The following MARCHF11 variants were observed in gnomAD, a reference collection of about 807,000 sequenced individuals.
MARCHF11 encodes E3 ubiquitin-protein ligase MARCHF11.
Under a neutral mutation model 37.3 loss-of-function variants are expected in MARCHF11, and 29 were observed. The observed-to-expected ratio is 0.78, with a 90% confidence interval of 0.58 to 1.06. The LOEUF is 1.06. Ranked by LOEUF, MARCHF11 falls within the 50% of genes least tolerant of loss-of-function variation. The pLI, the probability that MARCHF11 is intolerant of heterozygous loss-of-function variation, is 0.00. For missense variants in MARCHF11, 482 were observed against 533.4 expected, an observed-to-expected ratio of 0.90 and a Z score of 0.95; for synonymous variants, 233 against 228.0, an observed-to-expected ratio of 1.02 and a Z score of -0.20.
Position 16,068,878 on chromosome 5 carries a change from T to C in MARCHF11, c.887-1085A>G, listed in dbSNP as rs931508401. Among the ~76,000 whole-genome samples, 5 of 152,334 alleles carry C rather than the reference T, an allele frequency of 3.3e-5. No homozygotes were observed. The South Asian group carries it at 6.2e-4, about 19-fold the overall frequency. ...AGATCAATGAATATCCTTTGGTAGA[T>C]GAAGTACGGCATGTGAGCAGAGCAT... On this transcript the variant is annotated intron_variant, in intron 3 of 3. Coordinates refer to ENST00000332432, the MANE Select transcript of MARCHF11 (RefSeq NM_001102562.3).
chr5:16,119,144 C>T (rs550144101), intron 2 of MARCHF11, among the ~76,000 whole-genome samples: 1 of 152,128 alleles, frequency 6.6e-6, no homozygotes, highest in South Asian at 2.1e-4. Context: ...GGGTGGATCA[C>T]TTGAGGTCAG....
intron 2 of MARCHF11, among the ~76,000 whole-genome samples, chr5:16,109,632 G>A (rs1737104306): frequency 6.6e-6 from 1 of 152,150 alleles, no homozygotes; most frequent in Admixed American, 6.5e-5. Context: ...AACCATTCTA[G>A]CTAACAACTG....
At chr5:16,178,288 C>T (rs1738398415) in intron 1 of MARCHF11, among the ~76,000 whole-genome samples, 1 of 152,172 alleles carries the variant, frequency 6.6e-6, no homozygotes, top group Admixed American at 6.5e-5. Context: ...CTAAATGTAG[C>T]ATCATAAATA....
intron 2 of MARCHF11, among the ~76,000 whole-genome samples, chr5:16,169,177 T>A (rs937881941): frequency 6.6e-6 from 1 of 151,810 alleles, no homozygotes; most frequent in Non-Finnish European, 1.5e-5. Context: ...AGTAAGGAGA[T>A]GAAATCTTGG....
At chr5:16,072,169 A>G (rs538585278) in intron 3 of MARCHF11, among the ~76,000 whole-genome samples, 1 of 152,338 alleles carries the variant, frequency 6.6e-6, no homozygotes, top group South Asian at 2.1e-4. Flanking sequence ...AGAGCTGTCC[A>G]ACATCATGAA....
chr5:16,079,335 C>T (rs75207948), intron 3 of MARCHF11, among the ~76,000 whole-genome samples: 1,948 of 152,268 alleles, frequency 0.013, 24 homozygotes, highest in South Asian at 0.033. Context: ...GGCCCTAGAC[C>T]GCATGATCTT....
intron 2 of MARCHF11, among the ~76,000 whole-genome samples, chr5:16,159,539 G>A (rs1233091375): frequency 6.6e-6 from 1 of 151,902 alleles, no homozygotes; most frequent in African/African-American, 2.4e-5. Context: ...ATATGCATGT[G>A]CTTCCAGACA....
chr5:16,108,025 A>G (rs1011864705), intron 2 of MARCHF11, among the ~76,000 whole-genome samples: 3 of 152,180 alleles, frequency 2.0e-5, no homozygotes, highest in African/African-American at 7.2e-5. Context: ...GCTGGACAAG[A>G]GCTCAGGATA....
chr5:16,123,586 T>G (rs1051907530), intron 2 of MARCHF11, among the ~76,000 whole-genome samples: 3 of 152,164 alleles, frequency 2.0e-5, no homozygotes, highest in Admixed American at 6.5e-5. Context: ...ACTGAACTCT[T>G]AAGAGTTTTA....
intron 3 of MARCHF11, among the ~76,000 whole-genome samples, chr5:16,072,510 CTGTGTGTGTGTG>C (rs34699021): frequency 4.4e-4 from 65 of 146,710 alleles, no homozygotes; most frequent in Middle Eastern, 7.0e-3. Context: ...CTCTCTCACT[CTGTGTGTGTGTG>C]TGTGTGTGTG....
intron 2 of MARCHF11, among the ~76,000 whole-genome samples, chr5:16,097,185 C>CTAAAG (rs1247131580): frequency 6.6e-6 from 1 of 152,188 alleles, no homozygotes; most frequent in East Asian, 1.9e-4. Context: ...AATTGCAACA[C>CTAAAG]TAAAGTTGGG....
chr5:16,156,280 T>C (rs913780008), intron 2 of MARCHF11, among the ~76,000 whole-genome samples: 6 of 151,924 alleles, frequency 3.9e-5, no homozygotes, highest in African/African-American at 1.4e-4. Flanking sequence ...ATGAGCTCTC[T>C]TACTTCTAAA....
At chr5:16,073,934 C>G (rs1235967319) in intron 3 of MARCHF11, among the ~76,000 whole-genome samples, 2 of 152,206 alleles carry the variant, frequency 1.3e-5, no homozygotes, top group Non-Finnish European at 2.9e-5. Flanking sequence ...TACCCAACAA[C>G]TGCAGAACAT....
At chr5:16,148,279 T>C (rs948032439) in intron 2 of MARCHF11, among the ~76,000 whole-genome samples, 32 of 152,258 alleles carry the variant, frequency 2.1e-4, no homozygotes, top group African/African-American at 7.7e-4. Context: ...CTATAATGTG[T>C]AAAACCATAT....
chr5:16,177,731 A>T lies in MARCHF11; in HGVS notation c.688T>A (p.Cys230Ser). 2 of 1,600,902 alleles carry T rather than the reference A, an allele frequency of 1.2e-6. No homozygotes were observed. Among genetic ancestry groups the T allele is most frequent in the Non-Finnish European group, 1.7e-6 (2 of 1,175,136 alleles). ...TAAATGTTGAAACTGCTTACCTGGC[A>T]AGGTTGTTTCATTTTAATGGCTATA... ...HVIAIKMKQP[C>S]QWQSISITLV... is the part of the protein sequence containing the mutation. The change falls in exon 2 of 4, where the codon TGC becomes AGC. Residue 230 changes from cysteine (C) to serine (S), a missense_variant. By Grantham distance (112) the Cys-to-Ser change is moderately radical. Coordinates refer to ENST00000332432, the MANE Select transcript of MARCHF11 (RefSeq NM_001102562.3).
At chr5:16,074,953 C>A (rs777044452) in intron 3 of MARCHF11, among the ~76,000 whole-genome samples, 9 of 152,216 alleles carry the variant, frequency 5.9e-5, no homozygotes, top group Non-Finnish European at 1.2e-4. Context: ...CTGCAGCCAT[C>A]GGCCTGGACA....
chr5:16,136,770 A>C (rs1227909868), intron 2 of MARCHF11, among the ~76,000 whole-genome samples: 2 of 152,210 alleles, frequency 1.3e-5, no homozygotes, highest in Non-Finnish European at 2.9e-5. Flanking sequence ...ATAAAAGTAA[A>C]TAGCAGGATA....
chr5:16,094,235 A>G (rs1736827544), intron 2 of MARCHF11, among the ~76,000 whole-genome samples: 2 of 152,180 alleles, frequency 1.3e-5, no homozygotes, highest in African/African-American at 4.8e-5. Flanking sequence ...TCTGCCTTCG[A>G]CCAGTAGAAA....
intron 3 of MARCHF11, among the ~76,000 whole-genome samples, chr5:16,070,027 T>C (rs557941035): frequency 6.6e-5 from 10 of 152,314 alleles, no homozygotes; most frequent in African/African-American, 2.4e-4. Flanking sequence ...CCAGTTACTA[T>C]ATATGACCAA....
Sources: gnomAD v4.1 joint callset for allele counts (sites outside exome capture counted in the v4.1 genomes callset) on GRCh38, gnomAD v4.1.1 for gene constraint, MANE v1.5 for transcripts, NCBI Gene and HGNC (gene_info 2026-07-23, HGNC 2026-07-21) for gene names.